Variants in MLLT1 observed in about 807,000 individuals in gnomAD.
The protein encoded by MLLT1 is MLLT1 super elongation complex subunit.
MLLT1 carries 11 observed loss-of-function variants against 55.1 expected under a neutral mutation model. The observed-to-expected ratio is 0.20, with a 90% CI of 0.13 to 0.33. The LOEUF (loss-of-function observed/expected upper bound fraction) is 0.33. Among genes scored for constraint, MLLT1 ranks in the 10% least tolerant of loss-of-function variants. The probability of loss-of-function intolerance (pLI) is 1.00; values close to 1 mark genes in which losing one functional copy is unlikely to be tolerated. For missense variants in MLLT1, 536 were observed against 760.6 expected (o/e 0.70, Z 3.47); for synonymous variants, 323 against 320.1 (o/e 1.01, Z -0.10).
chr19:6,228,903 C>T (rs1338567596), intron 4 of MLLT1, among the ~76,000 whole-genome samples: 2 of 152,152 alleles, frequency 1.3e-5, no homozygotes, highest in Admixed American at 6.5e-5. Flanking sequence ...CTTCAGCCTG[C>T]GCGTCTCTCT....
At chr19:6,213,836 A>G (rs1311436623) in intron 9 of MLLT1, 39 bp from the exon 10 acceptor site, 1 of 1,603,876 alleles carries the variant, frequency 6.2e-7, no homozygotes, top group Non-Finnish European at 8.5e-7. Context: ...TGTGGCCCAC[A>G]CCCTCCCCAG....
chr19:6,241,350 T>G (rs2091111368), intron 3 of MLLT1, among the ~76,000 whole-genome samples: 1 of 152,236 alleles, frequency 6.6e-6, no homozygotes, highest in South Asian at 2.1e-4. Context: ...GCACCCCCGC[T>G]GGACAGCACC....
intron 3 of MLLT1, among the ~76,000 whole-genome samples, chr19:6,236,008 C>T (rs923815610): frequency 2.6e-5 from 4 of 152,220 alleles, no homozygotes; most frequent in African/African-American, 9.6e-5. Flanking sequence ...GAACACCACA[C>T]ACAATGGGAC....
In MLLT1 at chr19:6,227,120, A is replaced by T; in HGVS notation, c.421-18T>A. On this transcript the variant is annotated intron_variant, in intron 4 of 11. Transcript: ENST00000252674. The surrounding 1 kb of genome is among the most constrained non-coding windows in gnomAD (Gnocchi z 5.1). ...ACCATCACCTAGTGACAGAGAAGAG[A>T]CAGTCATTATCGATGGGCAGGGGGC... 1 of 1,587,758 alleles carries T rather than the reference A, an allele frequency of 6.3e-7. No individual in the cohort carries two copies. Among genetic ancestry groups the T allele is most frequent in the Non-Finnish European group, 8.5e-7 (1 of 1,169,732 alleles).
In MLLT1 at chr19:6,211,762, G is replaced by C; in HGVS notation, c.*1280C>G. On this transcript the variant is annotated 3_prime_UTR_variant, in exon 12 of 12. Coordinates refer to ENST00000252674, the MANE Select transcript of MLLT1 (RefSeq NM_005934.4). The surrounding 1 kb of genome is among the most constrained non-coding windows in gnomAD (Gnocchi z 4.6). ...GCCCCTGGGACCCCCAGCCACGATGGGCTGGCTCCGCGGGAGCGTCCTGGC... is the reference window on the plus strand; with the variant it reads ...GCCCCTGGGACCCCCAGCCACGATGCGCTGGCTCCGCGGGAGCGTCCTGGC... 2.8e-6 allele frequency: 3 copies of C among 1,064,008 alleles called. No homozygotes were observed. Among genetic ancestry groups the C allele is most frequent in the Non-Finnish European group, 2.3e-6 (2 of 878,420 alleles). The allele number at this position is 1,064,008 out of a possible 1,614,324, so 65.9% of individuals were successfully genotyped here. A position where few individuals can be genotyped will look rare whatever the true frequency, so the allele number is the denominator to read the frequency against.
intron 6 of MLLT1, among the ~76,000 whole-genome samples, chr19:6,221,140 G>C (rs529337439): frequency 6.6e-6 from 1 of 152,272 alleles, no homozygotes; most frequent in South Asian, 2.1e-4. Context: ...AAGCCCCAGC[G>C]GCTTTTCAAA....
In MLLT1 at chr19:6,240,349, C is replaced by A. The variant is rs1046690894; in HGVS notation, c.277-9636G>T. Among the ~76,000 whole-genome samples, 8 of 152,196 alleles carry A rather than the reference C, an allele frequency of 5.3e-5. No individual in the cohort carries two copies. The highest frequency in any genetic ancestry group is 1.2e-4 in the Non-Finnish European group (8 of 68,024). ...GAGGCGGGGGAGTTTTCTTCTTGTA[C>A]CCCTGAACTTCAAACTCCACTGTGG... On this transcript the variant is annotated intron_variant, in intron 3 of 11. Coordinates refer to ENST00000252674, the MANE Select transcript of MLLT1 (RefSeq NM_005934.4). The surrounding 1 kb of genome is among the most constrained non-coding windows in gnomAD (Gnocchi z 4.7).
chr19:6,212,666 T>C lies in MLLT1; in HGVS notation c.*376A>G, dbSNP rs2090789650. On this transcript the variant is annotated 3_prime_UTR_variant, in exon 12 of 12. Transcript: ENST00000252674. ...GCTGGAGATGCCCCCCAGCCGTCGATCCGCTGCTCAGAAAGGCTGGGGCAG... is the reference window on the plus strand; with the variant it reads ...GCTGGAGATGCCCCCCAGCCGTCGACCCGCTGCTCAGAAAGGCTGGGGCAG... The C allele has an allele frequency of 1.8e-6, 2 of 1,107,144 alleles. No homozygotes were observed. The highest frequency in any genetic ancestry group is 2.2e-6 in the Non-Finnish European group (2 of 907,708). 68.6% of individuals were successfully genotyped at this position (1,107,144 alleles called of 1,614,324 possible).
At chr19:6,257,937 T>C (rs764784569) in intron 3 of MLLT1, among the ~76,000 whole-genome samples, 2 of 152,140 alleles carry the variant, frequency 1.3e-5, no homozygotes, top group Non-Finnish European at 2.9e-5. Flanking sequence ...ACCTCAACAG[T>C]TACCGCTCTA....
At chr19:6,244,954 A>G (rs570393570) in intron 3 of MLLT1, among the ~76,000 whole-genome samples, 2 of 152,324 alleles carry the variant, frequency 1.3e-5, no homozygotes, top group East Asian at 3.9e-4. Context: ...GCTGGTGAGG[A>G]TGTAGAAAAA....
At chr19:6,241,369 TC>T (rs1419214302) in intron 3 of MLLT1, among the ~76,000 whole-genome samples, 6 of 152,284 alleles carry the variant, frequency 3.9e-5, no homozygotes, top group African/African-American at 1.4e-4. Context: ...CCTTCCCTGC[TC>T]TGGGAGCCAC....
chr19:6,261,049 C>T (rs1221571178), intron 3 of MLLT1, among the ~76,000 whole-genome samples: 1 of 152,180 alleles, frequency 6.6e-6, no homozygotes, highest in East Asian at 1.9e-4. Flanking sequence ...CAAGAGGGGG[C>T]TGCTGTTCTC....
chr19:6,224,854 C>T (rs1224819058), intron 5 of MLLT1, among the ~76,000 whole-genome samples: 1 of 152,152 alleles, frequency 6.6e-6, no homozygotes, highest in African/African-American at 2.4e-5. Context: ...CTCAGCCTCC[C>T]GAGTAGCTGG....
chr19:6,234,194 G>A (rs900499584), intron 3 of MLLT1, among the ~76,000 whole-genome samples: 4 of 152,236 alleles, frequency 2.6e-5, no homozygotes, highest in African/African-American at 4.8e-5. Context: ...AGGAAACAGT[G>A]GCATGGACTG....
chr19:6,270,232 G>A lies in MLLT1; in HGVS notation c.193+347C>T, dbSNP rs2091384443. Among the ~76,000 whole-genome samples, 1 of 142,126 alleles carries A rather than the reference G, an allele frequency of 7.0e-6. No homozygotes were observed. The highest frequency in any genetic ancestry group is 1.6e-5 in the Non-Finnish European group (1 of 63,914). The allele number at this position is 142,126 out of a possible 152,430, so 93.2% of individuals were successfully genotyped here. On this transcript the variant is annotated intron_variant, in intron 2 of 11. Transcript: ENST00000252674. The surrounding 1 kb of genome is among the most constrained non-coding windows in gnomAD (Gnocchi z 7.1). ...CCAAATATTGGGAATTCTTCACATG[G>A]CACACAAACAAACATAGGCCCGGTC...
At chr19:6,241,477 A>G (rs1473040558) in intron 3 of MLLT1, among the ~76,000 whole-genome samples, 1 of 125,202 alleles carries the variant, frequency 8.0e-6, no homozygotes, top group African/African-American at 4.4e-5. Flanking sequence ...ATGCCGAGAT[A>G]GGAAATTGGG....
At chr19:6,254,755 C>A (rs1237756728) in intron 3 of MLLT1, among the ~76,000 whole-genome samples, 1 of 152,128 alleles carries the variant, frequency 6.6e-6, no homozygotes, top group Non-Finnish European at 1.5e-5. Flanking sequence ...ACATCACACT[C>A]AATGGAAAAA....
At chr19:6,218,231 C>G (rs2090864773) in intron 6 of MLLT1, among the ~76,000 whole-genome samples, 190 bp from the exon 7 acceptor site, 1 of 152,228 alleles carries the variant, frequency 6.6e-6, no homozygotes, top group African/African-American at 2.4e-5. Flanking sequence ...CATGCGCAGC[C>G]TATAGCCTCC....
At chr19:6,214,131 G>C in intron 8 of MLLT1, 93 bp from the exon 9 acceptor site, 7 of 717,936 alleles carry the variant, frequency 9.8e-6, no homozygotes, top group Non-Finnish European at 1.4e-5. Context: ...CACGGAGTCG[G>C]TGCCTGAGCC....
Sources: gnomAD v4.1 joint callset for allele counts (sites outside exome capture counted in the v4.1 genomes callset) on GRCh38, gnomAD v4.1.1 for gene constraint, Gnocchi (gnomAD v3.1) non-coding constraint, MANE v1.5 for transcripts, NCBI Gene and HGNC (gene_info 2026-07-23, HGNC 2026-07-21) for gene names.